The following CACHD1 variants were observed in gnomAD, a reference collection of about 807,000 sequenced individuals.
CACHD1 encodes the protein VWFA and cache domain-containing protein 1.
CACHD1 carries 71 observed loss-of-function variants against 138.7 expected under a neutral mutation model. The observed-to-expected ratio is 0.51, with a 90% confidence interval of 0.42 to 0.62. CACHD1 has a LOEUF of 0.62. CACHD1 is among the 20% of genes least tolerant of loss of function. The pLI, the probability that CACHD1 is intolerant of heterozygous loss-of-function variation, is 0.00. For missense variants in CACHD1, 1,389 were observed against 1,625.3 expected (o/e 0.85, Z 2.50); for synonymous variants, 578 against 591.5 (o/e 0.98, Z 0.33).
In CACHD1 at chr1:64,638,698, T is replaced by C. The variant is rs939889284; in HGVS notation, c.1007-3122T>C. 3.3e-5 allele frequency among the ~76,000 whole-genome samples: 5 copies of C among 152,292 alleles called. 1 individual carries two copies. The stretch of plus-strand genomic sequence containing the variant: ...ACCCCAAGACATGCCTGGTGGCTTA[T>C]AGAGAGACTCAGCAAATGGAGAGCT... On this transcript the variant is annotated intron_variant, in intron 7 of 26. Coordinates refer to ENST00000651257, the MANE Select transcript of CACHD1 (RefSeq NM_020925.4).
intron 7 of CACHD1, among the ~76,000 whole-genome samples, chr1:64,634,632 G>A (rs1182776842): frequency 6.6e-6 from 1 of 152,018 alleles, no homozygotes; most frequent in Non-Finnish European, 1.5e-5. Flanking sequence ...CAATCCACCT[G>A]CCTTTGCCTC....
chr1:64,648,506 G>T (rs1648985049), intron 9 of CACHD1, among the ~76,000 whole-genome samples: 1 of 152,038 alleles, frequency 6.6e-6, no homozygotes, highest in African/African-American at 2.4e-5. Flanking sequence ...AAATCTTTCA[G>T]ATTATTAGGA....
chr1:64,673,573 A>G (rs1328251141), intron 19 of CACHD1, 109 bp downstream of exon 19: 1 of 895,348 alleles, frequency 1.1e-6, no homozygotes, highest in Admixed American at 2.0e-5. Context: ...TCATCGCCTT[A>G]GAACTATAGA....
intron 1 of CACHD1, among the ~76,000 whole-genome samples, chr1:64,504,131 C>G (rs945765698): frequency 3.6e-4 from 55 of 152,164 alleles, no homozygotes; most frequent in African/African-American, 1.3e-3. Context: ...TGGGCTCTAG[C>G]GATCCTCCCA....
At chr1:64,648,618 A>G (rs959783698) in intron 9 of CACHD1, among the ~76,000 whole-genome samples, 5 of 152,224 alleles carry the variant, frequency 3.3e-5, no homozygotes, top group African/African-American at 1.2e-4. Context: ...CCATTCAGTT[A>G]TAATTACTGT....
intron 1 of CACHD1, among the ~76,000 whole-genome samples, chr1:64,494,065 G>A (rs1430399994): frequency 6.6e-6 from 1 of 152,188 alleles, no homozygotes; most frequent in Non-Finnish European, 1.5e-5. Flanking sequence ...GCCAGCGTTG[G>A]AATGTGGAGA....
At chr1:64,686,718 A>G (rs1463369336) in intron 26 of CACHD1, among the ~76,000 whole-genome samples, 1 of 152,236 alleles carries the variant, frequency 6.6e-6, no homozygotes, top group Non-Finnish European at 1.5e-5. Context: ...TTTGGTTACT[A>G]TCTCATCAGA....
Position 64,692,847 on chromosome 1 carries a change from G to A in CACHD1, c.*1286G>A, listed in dbSNP as rs1650605646. The A allele has an allele frequency of 6.6e-6, 1 of 152,546 alleles. No homozygotes were observed. Among genetic ancestry groups the A allele is most frequent in the South Asian group, 2.1e-4 (1 of 4,820 alleles). 9.4% of individuals were successfully genotyped at this position (152,546 alleles called of 1,614,324 possible). ...GTTATAAAGGCATTCTTGCACCATGGTAAAGAATGTGTGTGGTAAATCTCC... is the reference window on the plus strand; with the variant it reads ...GTTATAAAGGCATTCTTGCACCATGATAAAGAATGTGTGTGGTAAATCTCC... On this transcript the variant is annotated 3_prime_UTR_variant, in exon 27 of 27. Transcript: ENST00000651257.
intron 3 of CACHD1, among the ~76,000 whole-genome samples, chr1:64,590,194 C>T (rs1384505501): frequency 4.6e-5 from 7 of 151,910 alleles, no homozygotes; most frequent in East Asian, 1.9e-4. Context: ...TGGTGGCAGG[C>T]GCCTGTAGTC....
chr1:64,571,914 C>T (rs1479277956), intron 2 of CACHD1, among the ~76,000 whole-genome samples: 2 of 152,188 alleles, frequency 1.3e-5, no homozygotes, highest in East Asian at 3.9e-4. Flanking sequence ...GCCTTTCTGA[C>T]CTATCCATCC....
intron 1 of CACHD1, among the ~76,000 whole-genome samples, chr1:64,550,216 T>C (rs1646748338): frequency 1.3e-5 from 2 of 152,182 alleles, no homozygotes; most frequent in African/African-American, 2.4e-5. Flanking sequence ...AAGATCTTTA[T>C]TGCATTAGAT....
intron 1 of CACHD1, among the ~76,000 whole-genome samples, chr1:64,510,390 A>G (rs1218211241): frequency 6.6e-6 from 1 of 152,178 alleles, no homozygotes; most frequent in Admixed American, 6.5e-5. Flanking sequence ...TGTTACATAC[A>G]CTAGGCCATT....
At chr1:64,590,077 G>A (rs1216542222) in intron 3 of CACHD1, among the ~76,000 whole-genome samples, 1 of 152,126 alleles carries the variant, frequency 6.6e-6, no homozygotes, top group Non-Finnish European at 1.5e-5. Flanking sequence ...GGAGGCTGAG[G>A]TGGGCGGATC....
chr1:64,665,931 G>A (rs891554105), intron 15 of CACHD1, 126 bp from the exon 16 acceptor site: 45 of 465,374 alleles, frequency 9.7e-5, no homozygotes, highest in Non-Finnish European at 1.4e-4. Context: ...CGTGAACCCA[G>A]GAGGCGGAGC....
intron 4 of CACHD1, among the ~76,000 whole-genome samples, chr1:64,603,124 T>G (rs981522762): frequency 1.3e-5 from 1 of 78,772 alleles, no homozygotes. Flanking sequence ...TTTTTTTTTT[T>G]GAAACAGTCT....
At chr1:64,586,090 G>A (rs561403086) in intron 3 of CACHD1, among the ~76,000 whole-genome samples, 7 of 152,232 alleles carry the variant, frequency 4.6e-5, no homozygotes, top group African/African-American at 1.7e-4. Flanking sequence ...TGGAGATAGA[G>A]TCTCACTCTG....
chr1:64,548,462 T>G (rs1298346501), intron 1 of CACHD1, among the ~76,000 whole-genome samples: 1 of 152,214 alleles, frequency 6.6e-6, no homozygotes, highest in Non-Finnish European at 1.5e-5. Flanking sequence ...GAATATATTC[T>G]GGGGGGCATG....
intron 1 of CACHD1, among the ~76,000 whole-genome samples, chr1:64,483,329 A>G (rs1366194655): frequency 6.6e-6 from 1 of 152,180 alleles, no homozygotes; most frequent in Non-Finnish European, 1.5e-5. Context: ...GTTAGACTTC[A>G]TTAGTTAATT....
At chr1:64,573,122 A>G (rs183354391) in intron 2 of CACHD1, among the ~76,000 whole-genome samples, 1 of 152,234 alleles carries the variant, frequency 6.6e-6, no homozygotes, top group Non-Finnish European at 1.5e-5. Context: ...CCCCAAATTC[A>G]TATGCTGAAG....
Sources: allele counts gnomAD v4.1 joint callset (sites outside exome capture counted in the v4.1 genomes callset), GRCh38; gene constraint gnomAD v4.1.1; transcripts MANE v1.5; gene names NCBI Gene and HGNC (gene_info 2026-07-23, HGNC 2026-07-21).